Variants in ANO9 observed in about 807,000 individuals in gnomAD.
ANO9 encodes anoctamin-9.
ANO9 carries 80 observed loss-of-function variants against 100.5 expected under a neutral mutation model. The ratio of observed to expected loss-of-function variants is 0.80; its 90% CI spans 0.66 to 0.96. ANO9 has a LOEUF of 0.96. ANO9 is among the 40% of genes least tolerant of loss of function. ANO9 has a pLI of 0.00. For missense variants in ANO9, 1,064 were observed against 1,072.7 expected (o/e 0.99, Z 0.11); for synonymous variants, 473 against 435.6 (o/e 1.09, Z -1.07).
Position 423,790 on chromosome 11 carries a change from C to G in ANO9, c.1335-2592G>C, listed in dbSNP as rs139544120. 6.9e-3 allele frequency among the ~76,000 whole-genome samples: 1,043 copies of G among 152,084 alleles called. 5 individuals carry two copies. The highest frequency in any genetic ancestry group is 0.011 in the Non-Finnish European group (767 of 67,990). On this transcript the variant is annotated intron_variant, in intron 15 of 22. Coordinates refer to ENST00000332826, the MANE Select transcript of ANO9 (RefSeq NM_001012302.3). Reference sequence around the variant, plus strand: ...AAGTAATCCTCCTACCTTGGCCTCCCAAAATGCTGGGATTACAAGCATGAG... The same window carrying G: ...AAGTAATCCTCCTACCTTGGCCTCCGAAAATGCTGGGATTACAAGCATGAG...
rs759945469 is a variant in ANO9, at chr11:418,829, AC to A, written c.2037-17del. On this transcript the variant is annotated splice_polypyrimidine_tract_variant and intron_variant, in intron 21 of 22. Coordinates refer to ENST00000332826, the MANE Select transcript of ANO9 (RefSeq NM_001012302.3). ...GTCCCTGTATCTGGGGTAAGGAAGTACCTGAGGTCAGGGGTCAGGAGTTCAG... is the reference window on the plus strand; with the variant it reads ...GTCCCTGTATCTGGGGTAAGGAAGTACTGAGGTCAGGGGTCAGGAGTTCAG... 7 of 1,613,206 alleles carry A rather than the reference AC, an allele frequency of 4.3e-6. No homozygotes were observed. Among genetic ancestry groups the A allele is most frequent in the Non-Finnish European group, 5.9e-6 (7 of 1,179,954 alleles).
intron 1 of ANO9, 108 bp from the exon 2 acceptor site, chr11:434,206 C>T: frequency 1.5e-6 from 2 of 1,294,972 alleles, no homozygotes; most frequent in Non-Finnish European, 1.1e-6. Flanking sequence ...CCGTCCCTCC[C>T]CACAAGGAGA....
chr11:423,607 C>T (rs1564909241), intron 15 of ANO9, among the ~76,000 whole-genome samples: 1 of 151,828 alleles, frequency 6.6e-6, no homozygotes, highest in Non-Finnish European at 1.5e-5. Context: ...TCCCAGGCTC[C>T]AGCGATCCTC....
At chr11:424,849 C>A (rs897273614) in intron 15 of ANO9, among the ~76,000 whole-genome samples, 1 of 151,980 alleles carries the variant, frequency 6.6e-6, no homozygotes, top group Non-Finnish European at 1.5e-5. Context: ...AATTGTTAAA[C>A]GTAAAACAAA....
At chr11:439,408 C>T (rs547221417) in intron 1 of ANO9, among the ~76,000 whole-genome samples, 21 of 116,882 alleles carry the variant, frequency 1.8e-4, no homozygotes, top group African/African-American at 6.6e-4. Flanking sequence ...GTCCAGCCTC[C>T]AGGTTGGGGG....
chr11:433,045 G>A lies in ANO9; in HGVS notation c.350+269C>T, dbSNP rs1849145701. 9 of 475,780 alleles carry A rather than the reference G, an allele frequency of 1.9e-5. No homozygotes were observed. The South Asian group carries it at 3.1e-4, about 16-fold the overall frequency. The allele number at this position is 475,780 out of a possible 1,614,324, so 29.5% of individuals were successfully genotyped here. A position where few individuals can be genotyped will look rare whatever the true frequency, so the allele number is the denominator to read the frequency against. On this transcript the variant is annotated intron_variant, in intron 4 of 22. Transcript: ENST00000332826. The stretch of plus-strand genomic sequence containing the variant: ...AAATCCTGCCCAACCCCTAAGGCTG[G>A]CTGTGACTGTGTCCCCAGGAACACA...
At position 432,115 on chromosome 11, in the gene ANO9, A is replaced by T; in HGVS notation, c.351-61T>A. 6.3e-7 allele frequency: 1 copy of T among 1,585,362 alleles called. No homozygotes were observed. The highest frequency in any genetic ancestry group is 8.6e-7 in the Non-Finnish European group (1 of 1,159,648). On this transcript the variant is annotated intron_variant, in intron 4 of 22. Coordinates refer to ENST00000332826, the MANE Select transcript of ANO9 (RefSeq NM_001012302.3). This position sits in a 1 kb window ranked among gnomAD's most constrained non-coding sequence, Gnocchi z 4.8. ...CAGTGGACCCTGCCTCCAGGTCTCA[A>T]CCTGCCCTCTGGTCTGGCCAGGCCC...
chr11:438,250 C>T (rs1845532274), intron 1 of ANO9, among the ~76,000 whole-genome samples: 8 of 152,032 alleles, frequency 5.3e-5, no homozygotes, highest in Admixed American at 4.6e-4. Context: ...ACACCTGGGG[C>T]GTGCCAGCCC....
chr11:420,543 T>C lies in ANO9; in HGVS notation c.1706A>G (p.Asn569Ser), dbSNP rs758272636. Residue 569 changes from asparagine (N) to serine (S), a missense_variant, in exon 19 of 23, where the codon AAC becomes AGC. Transcript: ENST00000332826. Reference protein sequence around the residue: ...PLAPLLALFSNLVEIRLDAIK... With the variant: ...PLAPLLALFSSLVEIRLDAIK... ...GGCGTCCAGGCGGATCTCCACGAGG[T>C]TGCTGAAGAGCGCGAGCAGCGGCGC... The C allele has an allele frequency of 3.7e-6, 6 of 1,606,362 alleles. No homozygotes were observed. In the South Asian group the frequency reaches 6.6e-5, roughly 18 times the overall value.
chr11:430,050 G>A (rs756832091), intron 9 of ANO9, 33 bp downstream of exon 9: 19 of 1,541,910 alleles, frequency 1.2e-5, no homozygotes, highest in Middle Eastern at 1.9e-4. Flanking sequence ...CCCATCTTCC[G>A]CAGGCCCTGG....
intron 3 of ANO9, 97 bp downstream of exon 3, chr11:433,718 C>T: frequency 1.4e-6 from 2 of 1,476,714 alleles, no homozygotes; most frequent in South Asian, 1.4e-5. Flanking sequence ...CACAGCCCTG[C>T]CCCTCGCTGG....
At position 418,956 on chromosome 11, in the gene ANO9, G is replaced by C. The variant is rs200394752; in HGVS notation, c.1968C>G (p.Ser656=). The C allele has an allele frequency of 6.2e-7, 1 of 1,613,552 alleles. No homozygotes were observed. Among genetic ancestry groups the C allele is most frequent in the Non-Finnish European group, 8.5e-7 (1 of 1,179,958 alleles). Reference sequence around the variant, plus strand: ...CCTGGAAGTCCTTGGTGTGGAAGACGGACAGGCTGTGGTTGACGTAGCCCT... The same window carrying C: ...CCTGGAAGTCCTTGGTGTGGAAGACCGACAGGCTGTGGTTGACGTAGCCCT... ...CLKGYVNHSL[S]VFHTKDFQDP... Residue 656 remains serine, a synonymous_variant, in exon 21 of 23, where the codon TCC becomes TCG. Coordinates refer to ENST00000332826, the MANE Select transcript of ANO9 (RefSeq NM_001012302.3).
At position 417,941 on chromosome 11, in the gene ANO9, A is replaced by C; in HGVS notation, c.*430T>G. 1.7e-5 allele frequency: 3 copies of C among 174,214 alleles called. No individual in the cohort carries two copies. The highest frequency in any genetic ancestry group is 1.2e-5 in the Non-Finnish European group (1 of 82,258). The allele number at this position is 174,214 out of a possible 1,614,324, so 10.8% of individuals were successfully genotyped here. On this transcript the variant is annotated 3_prime_UTR_variant, in exon 23 of 23. Coordinates refer to ENST00000332826, the MANE Select transcript of ANO9 (RefSeq NM_001012302.3). This position sits in a 1 kb window ranked among gnomAD's most constrained non-coding sequence, Gnocchi z 4.2. ...GCGAGGCCAGGAAAGCAAGACAGAC[A>C]GGCTTAATTTTACTGCAGAAACGGG...
Position 432,171 on chromosome 11 carries a change from G to A in ANO9, c.351-117C>T. 1 of 1,139,734 alleles carries A rather than the reference G, an allele frequency of 8.8e-7. No individual in the cohort carries two copies. 70.6% of individuals were successfully genotyped at this position (1,139,734 alleles called of 1,614,324 possible). A position where few individuals can be genotyped will look rare whatever the true frequency, so the allele number is the denominator to read the frequency against. On this transcript the variant is annotated intron_variant, in intron 4 of 22. Coordinates refer to ENST00000332826, the MANE Select transcript of ANO9 (RefSeq NM_001012302.3). The surrounding 1 kb of genome is among the most constrained non-coding windows in gnomAD (Gnocchi z 4.8). ...CCTCCCTGTCCTGGCAGAGCCCCCA[G>A]CCTGCCAGCCCTGACCAGAGCCCAG...
rs754169194 is a variant in ANO9, at chr11:418,925, C to T, written c.1999G>A (p.Asp667Asn). The change falls in exon 21 of 23, where the codon GAT becomes AAT. Residue 667 changes from aspartate to asparagine, a missense_variant. Asp to Asn is a conservative substitution (Grantham distance 23). Transcript: ENST00000332826. ...VFHTKDFQDPDGIEGSENVTL... is the reference protein window; with the variant it reads ...VFHTKDFQDPNGIEGSENVTL... ...ACGTTTTCTGAGCCCTCAATCCCAT[C>T]AGGGTCCTGGAAGTCCTTGGTGTGG... 1.2e-6 allele frequency: 2 copies of T among 1,613,606 alleles called. No homozygotes were observed. The highest frequency in any genetic ancestry group is 1.7e-6 in the Non-Finnish European group (2 of 1,179,998).
chr11:420,468 T>G lies in ANO9; in HGVS notation c.1781A>C (p.Asp594Ala). The G allele has an allele frequency of 3.1e-6, 5 of 1,602,384 alleles. No individual in the cohort carries two copies. The highest frequency in any genetic ancestry group is 4.2e-6 in the Non-Finnish European group (5 of 1,179,394). The change falls in exon 19 of 23, where the codon GAC becomes GCC. Residue 594 changes from aspartate (D) to alanine (A), a missense_variant. Asp to Ala is a moderately radical substitution (Grantham distance 126). Coordinates refer to ENST00000332826, the MANE Select transcript of ANO9 (RefSeq NM_001012302.3). ...QRRLVPRKAK[D>A]IGTWLQVLET... ...CTGCGCCCGCCCGGTCTGACCGATGTCCTTGGCCTTGCGCGGCACCAGGCG... is the reference window on the plus strand; with the variant it reads ...CTGCGCCCGCCCGGTCTGACCGATGGCCTTGGCCTTGCGCGGCACCAGGCG...
chr11:427,596 G>A (rs150035148), intron 15 of ANO9, among the ~76,000 whole-genome samples: 212 of 152,196 alleles, frequency 1.4e-3, no homozygotes, highest in African/African-American at 3.0e-3. Flanking sequence ...GCTGGGTGTG[G>A]TGGTGCACGC....
chr11:429,527 C>G, intron 11 of ANO9, 43 bp downstream of exon 11: 1 of 1,608,120 alleles, frequency 6.2e-7, no homozygotes, highest in Non-Finnish European at 8.5e-7. Context: ...GCCAACAGCC[C>G]CTGCTCGGGT....
At chr11:428,285 A>G in intron 14 of ANO9, 73 bp downstream of exon 14, 1 of 1,607,922 alleles carries the variant, frequency 6.2e-7, no homozygotes, top group Non-Finnish European at 8.5e-7. Context: ...CTGCTCTCTG[A>G]CCACAGCCCC....
Sources: gnomAD v4.1 joint callset for allele counts (sites outside exome capture counted in the v4.1 genomes callset) on GRCh38, gnomAD v4.1.1 for gene constraint, Gnocchi (gnomAD v3.1) non-coding constraint, MANE v1.5 for transcripts, NCBI Gene and HGNC (gene_info 2026-07-23, HGNC 2026-07-21) for gene names.